Variants in AMOTL2 observed in about 807,000 individuals in gnomAD.
AMOTL2 encodes angiomotin-like protein 2.
AMOTL2 carries 33 observed loss-of-function variants against 78.4 expected under a neutral mutation model. That is an observed-to-expected ratio of 0.42 (90% CI 0.32 to 0.56). The LOEUF (loss-of-function observed/expected upper bound fraction) is 0.56, where lower values mean the gene tolerates loss of function less well. Among genes scored for constraint, AMOTL2 ranks in the 20% least tolerant of loss-of-function variants. AMOTL2 has a pLI of 0.12. For missense variants in AMOTL2, 983 were observed against 1,030.1 expected, an observed-to-expected ratio of 0.95 and a Z score of 0.63; for synonymous variants, 422 against 428.8, an observed-to-expected ratio of 0.98 and a Z score of 0.20.
chr3:134,371,937 AAGGCAGGCCT>A (rs1343704257), intron 1 of AMOTL2: 2 of 184,760 alleles, frequency 1.1e-5, no homozygotes, highest in Admixed American at 1.1e-4. Context: ...GGGCAATTCT[AAGGCAGGCCT>A]AGTTCAGATC....
chr3:134,365,565 C>T (rs537170166), intron 5 of AMOTL2, among the ~76,000 whole-genome samples: 2 of 152,252 alleles, frequency 1.3e-5, no homozygotes, highest in African/African-American at 2.4e-5. Flanking sequence ...CAGCAAATCA[C>T]TGCTCCCTGG....
intron 5 of AMOTL2, among the ~76,000 whole-genome samples, chr3:134,362,310 C>T (rs1031795695): frequency 4.6e-5 from 7 of 152,220 alleles, no homozygotes; most frequent in Admixed American, 3.3e-4. Flanking sequence ...CCTTACACAT[C>T]TTATTCCACG....
chr3:134,371,066 C>T lies in AMOTL2; in HGVS notation c.368G>A (p.Gly123Glu), dbSNP rs756546262. 5 of 1,610,780 alleles carry T rather than the reference C, an allele frequency of 3.1e-6. No homozygotes were observed. The highest frequency in any genetic ancestry group is 3.4e-6 in the Non-Finnish European group (4 of 1,178,636). Residue 123 changes from glycine (G) to glutamate (E), a missense_variant, in exon 2 of 10, where the codon GGG (glycine) becomes GAG (glutamate). Coordinates refer to ENST00000249883, the MANE Select transcript of AMOTL2 (RefSeq NM_016201.4). The stretch of plus-strand genomic sequence containing the variant: ...TCGGTCCCCCGCATGTGGCCGGGTC[C>T]CTGCCTGCTGGGCCGCATAGTACTG... ...HSQYYAAQQA[G>E]TRPHAGDRDP...
intron 1 of AMOTL2, chr3:134,373,860 G>C: frequency 1.0e-6 from 1 of 980,186 alleles, no homozygotes; most frequent in Non-Finnish European, 1.2e-6. Context: ...TTCTTTCTAA[G>C]TGAGGGCCAA....
rs1056557481 is a variant in AMOTL2, at chr3:134,356,412, A to T, written c.*1293T>A. ...GGGCTGAAGTGAGGGACTCTTTAAG[A>T]CCAGAAGTCAAAGTCACTGCTGCTA... is the stretch of plus-strand genomic sequence containing the variant. On this transcript the variant is annotated 3_prime_UTR_variant, in exon 10 of 10. Coordinates refer to ENST00000249883, the MANE Select transcript of AMOTL2 (RefSeq NM_016201.4). 2 of 152,542 alleles carry T rather than the reference A, an allele frequency of 1.3e-5. No homozygotes were observed. The highest frequency in any genetic ancestry group is 2.9e-5 in the Non-Finnish European group (2 of 68,036). The allele number at this position is 152,542 out of a possible 1,614,324, so 9.4% of individuals were successfully genotyped here.
chr3:134,362,334 C>T (rs2017409138), intron 5 of AMOTL2, among the ~76,000 whole-genome samples: 1 of 152,244 alleles, frequency 6.6e-6, no homozygotes, highest in Non-Finnish European at 1.5e-5. Flanking sequence ...CCTCCAGCCC[C>T]TCCAGGGAGG....
intron 5 of AMOTL2, among the ~76,000 whole-genome samples, chr3:134,363,201 G>A (rs918751010): frequency 2.0e-5 from 3 of 152,204 alleles, no homozygotes; most frequent in Non-Finnish European, 2.9e-5. Flanking sequence ...GGTCCCTGGG[G>A]CAGGGCAGGG....
chr3:134,364,638 A>G (rs1404178742), intron 5 of AMOTL2, among the ~76,000 whole-genome samples: 5 of 151,646 alleles, frequency 3.3e-5, no homozygotes, highest in African/African-American at 1.2e-4. Context: ...CCACCCTGTC[A>G]ATTCCTTCAG....
At chr3:134,358,406 G>A (rs752538433) in intron 9 of AMOTL2, 134 bp downstream of exon 9, 149 of 1,102,978 alleles carry the variant, frequency 1.4e-4, no homozygotes, top group Non-Finnish European at 1.7e-4. Flanking sequence ...CTCACCTCTG[G>A]CTATGCACGG....
At position 134,366,410 on chromosome 3, in the gene AMOTL2, C is replaced by T; in HGVS notation, c.1059G>A (p.Gln353=). The change falls in exon 4 of 10, where the codon CAG becomes CAA. Residue 353 remains glutamine, a synonymous_variant. Coordinates refer to ENST00000249883, the MANE Select transcript of AMOTL2 (RefSeq NM_016201.4). The part of the protein sequence containing the change: ...GRIEKLESEI[Q]RLSEAHESLT... ...GGCTCTCATGGGCCTCAGAGAGCCG[C>T]TGGATTTCGCTTTCCAGCTGCAAGA... is the stretch of plus-strand genomic sequence containing the variant. 2.5e-6 allele frequency: 4 copies of T among 1,612,692 alleles called. No homozygotes were observed. Among genetic ancestry groups the T allele is most frequent in the Non-Finnish European group, 3.4e-6 (4 of 1,179,772 alleles).
chr3:134,357,758 CAG>C lies in AMOTL2; in HGVS notation c.2288_2289del (p.Ser763CysfsTer91). 4 of 1,614,086 alleles carry C rather than the reference CAG, an allele frequency of 2.5e-6. No individual in the cohort carries two copies. Among genetic ancestry groups the C allele is most frequent in the Non-Finnish European group, 3.4e-6 (4 of 1,179,966 alleles). On this transcript the variant is annotated frameshift_variant, in exon 10 of 10. Coordinates refer to ENST00000249883, the MANE Select transcript of AMOTL2 (RefSeq NM_016201.4). LOFTEE classifies it high-confidence loss of function. ...AAGTCCTGGACTCTGGATGTAGCTACAGAGTCTGGAGACAGACAAGAACACAG... is the reference window on the plus strand; with the variant it reads ...AAGTCCTGGACTCTGGATGTAGCTACAGTCTGGAGACAGACAAGAACACAG... ...SSSQRAASLD[S>X]VATSRVQDLS...
rs1480875209 is a variant in AMOTL2 at position 134,355,790 on chromosome 3, A to G, written c.*1915T>C. ...TAAATTCTATCTTGGGTCCTTGAAG[A>G]GATTGGACTATGACTTGGGTGGCCC... is the stretch of plus-strand genomic sequence containing the variant. On this transcript the variant is annotated 3_prime_UTR_variant, in exon 10 of 10. Transcript: ENST00000249883. 7.9e-5 allele frequency: 12 copies of G among 152,676 alleles called. No homozygotes were observed. The highest frequency in any genetic ancestry group is 7.9e-4 in the Admixed American group (12 of 15,286). 9.5% of individuals were successfully genotyped at this position (152,676 alleles called of 1,614,324 possible).
chr3:134,365,702 C>T lies in AMOTL2; in HGVS notation c.1279+115G>A, dbSNP rs542809645. 2.3e-4 allele frequency: 218 copies of T among 939,764 alleles called. No homozygotes were observed. In the African/African-American group the frequency reaches 3.4e-3, roughly 15 times the overall value. The allele number at this position is 939,764 out of a possible 1,614,324, so 58.2% of individuals were successfully genotyped here. On this transcript the variant is annotated intron_variant, in intron 5 of 9. Transcript: ENST00000249883. The stretch of plus-strand genomic sequence containing the variant: ...GTTGGGCATACAGTGGGCAGTAAAC[C>T]TGCTCCCAAAGTACTACTTTGCAAG...
rs927604720 is a variant in AMOTL2 at position 134,357,618 on chromosome 3, C to T, written c.*87G>A. On this transcript the variant is annotated 3_prime_UTR_variant, in exon 10 of 10. Coordinates refer to ENST00000249883, the MANE Select transcript of AMOTL2 (RefSeq NM_016201.4). ...CTGGCTGGGGAAAGGGACGGAGCAGCGGTTGACGGGGCTGCTGAAATGGCT... is the reference window on the plus strand; with the variant it reads ...CTGGCTGGGGAAAGGGACGGAGCAGTGGTTGACGGGGCTGCTGAAATGGCT... 34 of 1,346,330 alleles carry T rather than the reference C, an allele frequency of 2.5e-5. No homozygotes were observed. The African/African-American group carries it at 3.2e-4, about 13-fold the overall frequency. 83.4% of individuals were successfully genotyped at this position (1,346,330 alleles called of 1,614,324 possible).
chr3:134,366,286 T>C lies in AMOTL2; in HGVS notation c.1183A>G (p.Arg395Gly), dbSNP rs2017599588. 1 of 1,614,042 alleles carries C rather than the reference T, an allele frequency of 6.2e-7. No individual in the cohort carries two copies. Among genetic ancestry groups the C allele is most frequent in the Admixed American group, 1.7e-5 (1 of 59,998 alleles). Residue 395 changes from arginine (R) to glycine (G), a missense_variant, in exon 4 of 10, where the codon AGA becomes GGA. Transcript: ENST00000249883. ...RRLQDFNRDLRERLESANRRL... is the reference protein window; with the variant it reads ...RRLQDFNRDLGERLESANRRL... ...CACCTGTGTGACTGGCTCTCACCTC[T>C]AAGATCCCGGTTGAAGTCTTGCAGC...
At position 134,362,318 on chromosome 3, in the gene AMOTL2, A is replaced by G. The variant is rs1049887632; in HGVS notation, c.1280-511T>C. Among the ~76,000 whole-genome samples the G allele has an allele frequency of 2.0e-5, 3 of 152,146 alleles. No individual in the cohort carries two copies. The South Asian group carries it at 6.2e-4, about 32-fold the overall frequency. On this transcript the variant is annotated intron_variant, in intron 5 of 9. Coordinates refer to ENST00000249883, the MANE Select transcript of AMOTL2 (RefSeq NM_016201.4). ...ACCAGGCCCTTACACATCTTATTCC[A>G]CGAATCCTCCAGCCCCTCCAGGGAG... is the stretch of plus-strand genomic sequence containing the variant.
intron 3 of AMOTL2, 30 bp downstream of exon 3, chr3:134,367,467 C>A: frequency 1.2e-6 from 2 of 1,605,716 alleles, no homozygotes; most frequent in South Asian, 1.1e-5. Context: ...TCTTTCTGGT[C>A]TGCCCTTCTG....
intron 8 of AMOTL2, 106 bp downstream of exon 8, chr3:134,359,177 G>T (rs2017223112): frequency 1.6e-6 from 2 of 1,265,828 alleles, no homozygotes; most frequent in Admixed American, 3.8e-5. Context: ...GGGTCAGGAA[G>T]CCCTGGCTCC....
At chr3:134,368,274 GC>G (rs1304462742) in intron 2 of AMOTL2, among the ~76,000 whole-genome samples, 11 of 152,184 alleles carry the variant, frequency 7.2e-5, no homozygotes, top group African/African-American at 2.7e-4. Flanking sequence ...AACTTTGGTG[GC>G]TGGGCCCCAG....
Sources: allele counts gnomAD v4.1 joint callset (sites outside exome capture counted in the v4.1 genomes callset), GRCh38; gene constraint gnomAD v4.1.1; transcripts MANE v1.5; gene names NCBI Gene and HGNC (gene_info 2026-07-23, HGNC 2026-07-21).